WWC2: variants seen among roughly 807,000 people sequenced by gnomAD.
WWC2 encodes the protein WW and C2 domain containing 2.
A neutral mutation model predicts 138.5 loss-of-function variants in WWC2; 101 were observed. The observed-to-expected ratio is 0.73, with a 90% CI of 0.62 to 0.86. The LOEUF (loss-of-function observed/expected upper bound fraction) is 0.86, where lower values mean the gene tolerates loss of function less well. Among genes scored for constraint, WWC2 ranks in the 40% least tolerant of loss-of-function variants. The pLI is 0.00. For missense variants in WWC2, 1,420 were observed against 1,419.4 expected (o/e 1.00, Z -0.01); for synonymous variants, 558 against 538.4 (o/e 1.04, Z -0.50).
At chr4:183,296,503 C>T (rs1054722692) in intron 21 of WWC2, among the ~76,000 whole-genome samples, 1 of 152,132 alleles carries the variant, frequency 6.6e-6, no homozygotes, top group African/African-American at 2.4e-5. Flanking sequence ...TAGAACTCTC[C>T]TTTGTAAAAT....
intron 2 of WWC2, among the ~76,000 whole-genome samples, chr4:183,196,476 CT>C (rs1288571021): frequency 1.3e-5 from 2 of 152,228 alleles, no homozygotes; most frequent in Non-Finnish European, 2.9e-5. Flanking sequence ...TAGTCTTCTG[CT>C]GTTTGCATGC....
intron 4 of WWC2, among the ~76,000 whole-genome samples, chr4:183,215,054 C>T (rs992331995): frequency 6.6e-6 from 1 of 152,132 alleles, no homozygotes; most frequent in African/African-American, 2.4e-5. Flanking sequence ...GGCATATGGT[C>T]CAGGCCCCCC....
At chr4:183,289,785 G>A in intron 21 of WWC2, 150 bp downstream of exon 21, 1 of 1,258,306 alleles carries the variant, frequency 7.9e-7, no homozygotes, top group Non-Finnish European at 1.1e-6. Context: ...CACTGTTATA[G>A]GCCCTTTTTT....
At chr4:183,151,091 C>G (rs980080959) in intron 1 of WWC2, among the ~76,000 whole-genome samples, 1 of 152,132 alleles carries the variant, frequency 6.6e-6, no homozygotes, top group Non-Finnish European at 1.5e-5. Flanking sequence ...ATTTCTAGTT[C>G]TAGATCCTTG....
At position 183,317,163 on chromosome 4, in the gene WWC2, C is replaced by A. The variant is rs1478403816; in HGVS notation, c.*1434C>A. 6.9e-5 allele frequency: 10 copies of A among 145,224 alleles called. No homozygotes were observed. The highest frequency in any genetic ancestry group is 2.6e-4 in the African/African-American group (10 of 39,176). 9.0% of individuals were successfully genotyped at this position (145,224 alleles called of 1,614,324 possible). Reference sequence around the variant, plus strand: ...CCAAAATTGTCTTAAAGGAATGGACCCCTTGAAGAAAAAAAAAAAAAGTTT... The same window carrying A: ...CCAAAATTGTCTTAAAGGAATGGACACCTTGAAGAAAAAAAAAAAAAGTTT... On this transcript the variant is annotated 3_prime_UTR_variant, in exon 23 of 23. Coordinates refer to ENST00000403733, the MANE Select transcript of WWC2 (RefSeq NM_024949.6).
intron 21 of WWC2, 90 bp from the exon 22 acceptor site, chr4:183,312,251 A>G (rs1177645365): frequency 1.9e-6 from 3 of 1,552,520 alleles, no homozygotes; most frequent in Non-Finnish European, 2.6e-6. Context: ...TCCTGACTTT[A>G]GTCCACAATC....
intron 4 of WWC2, among the ~76,000 whole-genome samples, chr4:183,222,432 A>G (rs2111267576): frequency 6.6e-6 from 1 of 152,196 alleles, no homozygotes; most frequent in African/African-American, 2.4e-5. Context: ...TAGCAAACCC[A>G]AATCATAAAA....
intron 4 of WWC2, among the ~76,000 whole-genome samples, chr4:183,230,599 C>T (rs1736214284): frequency 6.6e-6 from 1 of 152,096 alleles, no homozygotes; most frequent in Non-Finnish European, 1.5e-5. Context: ...ATCGCTTGAA[C>T]CTGGGAGGCA....
chr4:183,189,424 G>A (rs1163071618), intron 1 of WWC2, among the ~76,000 whole-genome samples: 1 of 148,764 alleles, frequency 6.7e-6, no homozygotes, highest in Non-Finnish European at 1.5e-5. Context: ...GTGATAGAGC[G>A]AGACTCAGTC....
At chr4:183,212,054 C>T (rs528291752) in intron 4 of WWC2, among the ~76,000 whole-genome samples, 1 of 152,128 alleles carries the variant, frequency 6.6e-6, no homozygotes, top group Non-Finnish European at 1.5e-5. Context: ...AACACCTGAC[C>T]TCATAATCTG....
intron 15 of WWC2, 79 bp from the exon 16 acceptor site, chr4:183,271,001 A>G (rs147673184): frequency 6.9e-4 from 857 of 1,237,686 alleles, no homozygotes; most frequent in Non-Finnish European, 8.7e-4. Context: ...AATCTTTATT[A>G]TATCAGAACA....
intron 4 of WWC2, chr4:183,233,877 A>G (rs962951052): frequency 6.6e-5 from 10 of 152,246 alleles, no homozygotes; most frequent in Admixed American, 5.9e-4. Flanking sequence ...TTCCAGAAGG[A>G]GCAAGTTGAC....
At chr4:183,259,925 ATATGT>A (rs1344338799) in intron 10 of WWC2, among the ~76,000 whole-genome samples, 197 bp downstream of exon 10, 2 of 152,238 alleles carry the variant, frequency 1.3e-5, no homozygotes, top group African/African-American at 2.4e-5. Context: ...TACATTTGAA[ATATGT>A]TATAGAAAGA....
chr4:183,139,781 T>C (rs559572329), intron 1 of WWC2, among the ~76,000 whole-genome samples: 60 of 152,270 alleles, frequency 3.9e-4, no homozygotes, highest in African/African-American at 1.3e-3. Context: ...CATATAACGT[T>C]AGTTCTCAGA....
intron 21 of WWC2, among the ~76,000 whole-genome samples, chr4:183,311,623 A>T (rs1178021159): frequency 3.8e-5 from 5 of 131,520 alleles, no homozygotes; most frequent in Non-Finnish European, 7.8e-5. Flanking sequence ...TCTGTCGCCC[A>T]GGCTGGTGTT....
At chr4:183,264,223 G>A (rs192566204) in intron 11 of WWC2, among the ~76,000 whole-genome samples, 53 of 152,262 alleles carry the variant, frequency 3.5e-4, no homozygotes, top group African/African-American at 1.0e-3. Flanking sequence ...GTAAAGTCAC[G>A]GCTCAGAAGG....
chr4:183,131,979 C>T (rs1732939537), intron 1 of WWC2, among the ~76,000 whole-genome samples: 2 of 152,284 alleles, frequency 1.3e-5, no homozygotes, highest in South Asian at 4.2e-4. Flanking sequence ...CCAGTTTCTT[C>T]TATAAATCAA....
intron 1 of WWC2, among the ~76,000 whole-genome samples, chr4:183,114,749 C>A (rs1327443831): frequency 6.6e-6 from 1 of 150,878 alleles, no homozygotes; most frequent in African/African-American, 2.4e-5. Flanking sequence ...TAGTGTGTTG[C>A]GGGGGTTTGG....
chr4:183,320,299 C>T lies in WWC2; in HGVS notation c.*4570C>T, dbSNP rs890253595. ...AAGAAGTGTGACACTTGTGTTATAA[C>T]TTATGAAACTCAGAAATATTTCTTC... On this transcript the variant is annotated 3_prime_UTR_variant, in exon 23 of 23. Transcript: ENST00000403733. 7.2e-6 allele frequency: 9 copies of T among 1,256,952 alleles called. No individual in the cohort carries two copies. Among genetic ancestry groups the T allele is most frequent in the East Asian group, 4.7e-5 (2 of 42,938 alleles). 77.9% of individuals were successfully genotyped at this position (1,256,952 alleles called of 1,614,324 possible).
Sources: allele counts gnomAD v4.1 joint callset (sites outside exome capture counted in the v4.1 genomes callset), GRCh38; gene constraint gnomAD v4.1.1; transcripts MANE v1.5; gene names NCBI Gene and HGNC (gene_info 2026-07-23, HGNC 2026-07-21).